Variants in KIF24 observed in about 807,000 individuals in gnomAD.
KIF24 encodes kinesin-like protein KIF24.
In KIF24, 81 loss-of-function variants were observed where a neutral mutation model predicts 118.9. The observed-to-expected ratio is 0.68, with a 90% confidence interval of 0.57 to 0.82. The LOEUF is 0.82. KIF24 is among the 40% of genes least tolerant of loss of function. KIF24 has a pLI of 0.00. For missense variants in KIF24, 1,560 were observed against 1,661.6 expected (o/e 0.94, Z 1.06); for synonymous variants, 599 against 610.0 (o/e 0.98, Z 0.27).
chr9:34,269,253 T>C lies in KIF24; in HGVS notation c.1443+4A>G, dbSNP rs1479245546. On this transcript the variant is annotated splice_donor_region_variant and intron_variant, in intron 8 of 12. Coordinates refer to ENST00000402558, the MANE Select transcript of KIF24 (RefSeq NM_194313.4). ...TTTTAGATTAAAGATTTTGAACAAC[T>C]TACAGCCAGTAGACTCTGATTTATT... is the stretch of plus-strand genomic sequence containing the variant. 7 of 1,564,652 alleles carry C rather than the reference T, an allele frequency of 4.5e-6. No homozygotes were observed. Among genetic ancestry groups the C allele is most frequent in the Non-Finnish European group, 5.3e-6 (6 of 1,137,918 alleles).
At chr9:34,303,975 C>CA (rs1440646390) in intron 3 of KIF24, among the ~76,000 whole-genome samples, 3 of 152,090 alleles carry the variant, frequency 2.0e-5, no homozygotes, top group Non-Finnish European at 2.9e-5. Flanking sequence ...CTGCCAATTT[C>CA]AAAAAACTAG....
chr9:34,267,448 T>C (rs1364017435), intron 8 of KIF24, among the ~76,000 whole-genome samples: 1 of 152,056 alleles, frequency 6.6e-6, no homozygotes, highest in Admixed American at 6.5e-5. Flanking sequence ...TGAATTGTTT[T>C]TGCCAAAAAA....
chr9:34,283,768 C>T (rs987727606), intron 6 of KIF24, among the ~76,000 whole-genome samples: 3 of 152,074 alleles, frequency 2.0e-5, no homozygotes, highest in Admixed American at 1.3e-4. Context: ...CTCCAAATTA[C>T]AAGTTAAAAA....
upstream of KIF24, among the ~76,000 whole-genome samples, chr9:34,333,670 AAAG>A: frequency 6.6e-6 from 1 of 150,928 alleles, no homozygotes; most frequent in Non-Finnish European, 1.5e-5. Flanking sequence ...AAAAAAAAAA[AAAG>A]GACTGGGAAT....
intron 9 of KIF24, 50 bp from the exon 10 acceptor site, chr9:34,259,755 C>T: frequency 1.7e-6 from 2 of 1,163,210 alleles, no homozygotes; most frequent in Non-Finnish European, 2.6e-6. Context: ...TAACAAAGTG[C>T]ATACTGACTA....
rs1331789340 is a variant in KIF24 at position 34,329,260 on chromosome 9, A to T, written c.-180T>A. Among the ~76,000 whole-genome samples, 3 of 152,242 alleles carry T rather than the reference A, an allele frequency of 2.0e-5. No individual in the cohort carries two copies. The highest frequency in any genetic ancestry group is 2.9e-5 in the Non-Finnish European group (2 of 68,036). On this transcript the variant is annotated 5_prime_UTR_variant, in exon 1 of 13. Coordinates refer to ENST00000402558, the MANE Select transcript of KIF24 (RefSeq NM_194313.4). ...CTCCATGGCAACGCCGCCAAGCGCCAGTTCGAACGCCCGCGCTGTGGCCCG... is the reference window on the plus strand; with the variant it reads ...CTCCATGGCAACGCCGCCAAGCGCCTGTTCGAACGCCCGCGCTGTGGCCCG...
Position 34,257,201 on chromosome 9 carries a change from A to T in KIF24, c.2406T>A (p.Asn802Lys), listed in dbSNP as rs1398008256. 7 of 1,613,888 alleles carry T rather than the reference A, an allele frequency of 4.3e-6. No individual in the cohort carries two copies. Among genetic ancestry groups the T allele is most frequent in the African/African-American group, 1.3e-5 (1 of 74,944 alleles). The change falls in exon 11 of 13, where the codon AAT (asparagine) becomes AAA (lysine). Residue 802 changes from asparagine to lysine, a missense_variant. Asn to Lys is a moderately conservative substitution (Grantham distance 94). Coordinates refer to ENST00000402558, the MANE Select transcript of KIF24 (RefSeq NM_194313.4). ...QYRPPEGQLT[N>K]ETPPLFHSYS... is the part of the protein sequence containing the mutation. ...AAGAGTGGAACAGAGGCGGAGTCTC[A>T]TTCGTGAGCTGACCCTCTGGGGGCC...
intron 5 of KIF24, among the ~76,000 whole-genome samples, 187 bp from the exon 6 acceptor site, chr9:34,286,891 T>C (rs553040446): frequency 6.6e-6 from 1 of 152,286 alleles, no homozygotes; most frequent in East Asian, 1.9e-4. Context: ...TTGTTGATTG[T>C]TGTAAAATAA....
intron 6 of KIF24, among the ~76,000 whole-genome samples, chr9:34,285,458 T>C (rs957010975): frequency 6.6e-6 from 1 of 151,908 alleles, no homozygotes; most frequent in Non-Finnish European, 1.5e-5. Context: ...CAAGACACCA[T>C]CTCTACAAAA....
At chr9:34,306,201 A>C (rs1278043563) in intron 3 of KIF24, 51 bp downstream of exon 3, 2 of 1,280,966 alleles carry the variant, frequency 1.6e-6, no homozygotes, top group Non-Finnish European at 2.2e-6. Flanking sequence ...AGCAAAAAAA[A>C]ATGACATACT....
chr9:34,279,724 A>G (rs1835776727), intron 6 of KIF24, among the ~76,000 whole-genome samples: 1 of 152,258 alleles, frequency 6.6e-6, no homozygotes, highest in African/African-American at 2.4e-5. Context: ...CACATGGGTG[A>G]TACCTGAGCG....
In KIF24 at chr9:34,257,314, G is replaced by A. The variant is rs144194464; in HGVS notation, c.2293C>T (p.Arg765Cys). The change falls in exon 11 of 13, where the codon CGT becomes TGT. Residue 765 changes from arginine to cysteine, a missense_variant. Around this residue, in one of 3 missense-constraint regions of KIF24, gnomAD observed 964 missense variants for 988.0 expected, o/e 0.98. Coordinates refer to ENST00000402558, the MANE Select transcript of KIF24 (RefSeq NM_194313.4). Reference protein sequence around the residue: ...PHQKEREEHLRFYHQQFQQPP... With the variant: ...PHQKEREEHLCFYHQQFQQPP... ...TGTTGGAACTGCTGGTGATAGAAAC[G>A]CAGATGTTCCTCCCTCTCCTTCTGA... 9.9e-6 allele frequency: 16 copies of A among 1,613,944 alleles called. No homozygotes were observed. Among genetic ancestry groups the A allele is most frequent in the African/African-American group, 8.0e-5 (6 of 74,948 alleles).
At chr9:34,254,589 G>A in intron 12 of KIF24, 69 bp from the exon 13 acceptor site, 1 of 1,510,854 alleles carries the variant, frequency 6.6e-7, no homozygotes, top group Non-Finnish European at 9.0e-7. Flanking sequence ...TGCTTTTTCA[G>A]TCCCTCCTCT....
intron 4 of KIF24, 150 bp downstream of exon 4, chr9:34,296,867 T>A: frequency 1.9e-6 from 1 of 517,078 alleles, no homozygotes. Context: ...AGATACTGCA[T>A]GTTTTCAGAA....
At chr9:34,299,635 T>G (rs1348822378) in intron 3 of KIF24, among the ~76,000 whole-genome samples, 1 of 152,084 alleles carries the variant, frequency 6.6e-6, no homozygotes, top group African/African-American at 2.4e-5. Context: ...GTAACCCCAA[T>G]TGCCTTCATG....
intron 8 of KIF24, among the ~76,000 whole-genome samples, chr9:34,265,466 G>A (rs1256932940): frequency 6.6e-6 from 1 of 152,060 alleles, no homozygotes; most frequent in Non-Finnish European, 1.5e-5. Flanking sequence ...CACAGCTCCT[G>A]GCCTAAATGT....
At chr9:34,266,444 C>T (rs1025998651) in intron 8 of KIF24, among the ~76,000 whole-genome samples, 7 of 151,982 alleles carry the variant, frequency 4.6e-5, no homozygotes, top group Middle Eastern at 6.8e-3. Context: ...TTTGGAAGGC[C>T]GAAGCAGGCG....
chr9:34,259,528 C>T (rs756028266), intron 10 of KIF24, 68 bp downstream of exon 10: 11 of 1,156,502 alleles, frequency 9.5e-6, no homozygotes, highest in Admixed American at 3.4e-5. Flanking sequence ...CACATGCTCA[C>T]ACACGCGTGC....
In KIF24 at chr9:34,315,168, T is replaced by A. The variant is rs906953693; in HGVS notation, c.-25-3797A>T. ...CAGGGCAAGACCTAAAACAGTTTAT[T>A]TTTTAAATTTTGAAACTATGTGACT... On this transcript the variant is annotated intron_variant, in intron 1 of 12. Coordinates refer to ENST00000402558, the MANE Select transcript of KIF24 (RefSeq NM_194313.4). 2.0e-5 allele frequency among the ~76,000 whole-genome samples: 3 copies of A among 152,304 alleles called. No individual in the cohort carries two copies. The Middle Eastern group carries it at 0.01, about 518-fold the overall frequency.
Sources: allele counts gnomAD v4.1 joint callset (sites outside exome capture counted in the v4.1 genomes callset), GRCh38; gene constraint gnomAD v4.1.1; regional missense constraint gnomAD v4.1.1; transcripts MANE v1.5; gene names NCBI Gene and HGNC (gene_info 2026-07-23, HGNC 2026-07-21).